Variants in CTC1 observed in about 807,000 individuals in gnomAD.
CTC1 encodes the protein CST telomere replication complex component 1.
CTC1 carries 91 observed loss-of-function variants against 136.3 expected under a neutral mutation model. The observed-to-expected ratio is 0.67, with a 90% CI of 0.56 to 0.79. CTC1 has a LOEUF of 0.79. Among genes scored for constraint, CTC1 ranks in the 30% least tolerant of loss-of-function variants. The probability of loss-of-function intolerance (pLI) is 0.00; values close to 1 mark genes in which losing one functional copy is unlikely to be tolerated. For missense variants in CTC1, 1,432 were observed against 1,498.1 expected (o/e 0.96, Z 0.73); for synonymous variants, 606 against 613.8 (o/e 0.99, Z 0.19).
intron 5 of CTC1, among the ~76,000 whole-genome samples, chr17:8,237,043 T>TG (rs750671230): frequency 6.6e-5 from 10 of 151,314 alleles, no homozygotes; most frequent in African/African-American, 2.4e-4. Flanking sequence ...ACCAAGTTTT[T>TG]TTTTTTTTTT....
At position 8,226,007 on chromosome 17, in the gene CTC1, G is replaced by A. The variant is rs1986602568; in HGVS notation, c.*2173C>T. The A allele has an allele frequency of 6.6e-6, 1 of 152,014 alleles. No homozygotes were observed. The highest frequency in any genetic ancestry group is 2.4e-5 in the African/African-American group (1 of 41,378). 9.4% of individuals were successfully genotyped at this position (152,014 alleles called of 1,614,324 possible). ...CTGACCCAGTCCACCTGCACCAGTG[G>A]GGTGTGGCATCAGTTAAGCAAAGGA... On this transcript the variant is annotated 3_prime_UTR_variant, in exon 23 of 23. Transcript: ENST00000651323.
In CTC1 at chr17:8,237,421, A is replaced by G; in HGVS notation, c.746T>C (p.Leu249Pro). The change falls in exon 5 of 23, where the codon CTT becomes CCT. Residue 249 changes from leucine (L) to proline (P), a missense_variant. Coordinates refer to ENST00000651323, the MANE Select transcript of CTC1 (RefSeq NM_025099.6). ...SKQKAYFILS[L>P]GRSHPAVTHV... ...GGTGACAGCTGGGTGTGATCTACCAAGAGACAGGATGAAGTAAGCTTTCTG... is the reference window on the plus strand; with the variant it reads ...GGTGACAGCTGGGTGTGATCTACCAGGAGACAGGATGAAGTAAGCTTTCTG... 3 of 1,614,052 alleles carry G rather than the reference A, an allele frequency of 1.9e-6. No individual in the cohort carries two copies. In the South Asian group the frequency reaches 3.3e-5, roughly 18 times the overall value.
At chr17:8,229,811 CA>C (rs1987053640) in intron 18 of CTC1, 79 bp downstream of exon 18, 1 of 1,245,990 alleles carries the variant, frequency 8.0e-7, no homozygotes. Context: ...GTAATGATGG[CA>C]AAATCTTCAG....
At chr17:8,233,673 G>A (rs1457530368) in intron 10 of CTC1, among the ~76,000 whole-genome samples, 1 of 152,236 alleles carries the variant, frequency 6.6e-6, no homozygotes, top group Non-Finnish European at 1.5e-5. Context: ...GGAGGCTGAG[G>A]TGGGAGGACT....
Position 8,232,109 on chromosome 17 carries a change from G to C in CTC1, c.2179C>G (p.Leu727Val). Residue 727 changes from leucine (L) to valine (V), a missense_variant, in exon 13 of 23, where the codon CTA becomes GTA. Coordinates refer to ENST00000651323, the MANE Select transcript of CTC1 (RefSeq NM_025099.6). ...AGCAAGAAGAGCCGGCTCTGTCCTA[G>C]GTGGGGTCCCTCTGGGCCGGTGGGA... is the stretch of plus-strand genomic sequence containing the variant. ...TDPTGPEGPH[L>V]GQSRLFLLCH... 6.5e-7 allele frequency: 1 copy of C among 1,539,152 alleles called. No individual in the cohort carries two copies. Among genetic ancestry groups the C allele is most frequent in the African/African-American group, 1.4e-5 (1 of 72,214 alleles).
chr17:8,225,609 A>C lies in CTC1; in HGVS notation c.*2571T>G, dbSNP rs1644554872. On this transcript the variant is annotated 3_prime_UTR_variant, in exon 23 of 23. Transcript: ENST00000651323. ...CGACTCCCGAATGATGCTTTCTTGG[A>C]CTCTGTTCACATGGCCTCAGCCCTT... 2 of 151,672 alleles carry C rather than the reference A, an allele frequency of 1.3e-5. No individual in the cohort carries two copies. Among genetic ancestry groups the C allele is most frequent in the Non-Finnish European group, 1.5e-5 (1 of 67,988 alleles). The allele number at this position is 151,672 out of a possible 1,614,324, so 9.4% of individuals were successfully genotyped here.
intron 2 of CTC1, among the ~76,000 whole-genome samples, chr17:8,240,156 CT>C (rs397969607): frequency 9.4e-4 from 132 of 139,930 alleles, no homozygotes; most frequent in Admixed American, 1.1e-3. Flanking sequence ...AGAACTGTCT[CT>C]TTTTTTTTTT....
At position 8,242,947 on chromosome 17, in the gene CTC1, G is replaced by T. The variant is rs746513365; in HGVS notation, c.197+38C>A. The T allele has an allele frequency of 1.6e-5, 25 of 1,562,302 alleles. No individual in the cohort carries two copies. The East Asian group carries it at 5.5e-4, about 35-fold the overall frequency. On this transcript the variant is annotated intron_variant, in intron 2 of 22. Transcript: ENST00000651323. Reference sequence around the variant, plus strand: ...CTTTTCAATCCTGAATTCAATACCTGCCCCTGCCCAGCCCCCGCAACCGCC... The same window carrying T: ...CTTTTCAATCCTGAATTCAATACCTTCCCCTGCCCAGCCCCCGCAACCGCC...
chr17:8,235,193 G>A lies in CTC1; in HGVS notation c.1299C>T (p.Ser433=). Residue 433 remains serine (S), a synonymous_variant, in exon 8 of 23, where the codon AGC becomes AGT. Transcript: ENST00000651323. The stretch of plus-strand genomic sequence containing the variant: ...GAGCCCCAGGCTTCTGACGAGAGAA[G>A]CTTTGAAGCAGAACGGCGCCACGGA... ...PCLRGAVLLQ[S]FSRQKPGAHS... 6.2e-7 allele frequency: 1 copy of A among 1,614,166 alleles called. No individual in the cohort carries two copies. Among genetic ancestry groups the A allele is most frequent in the Non-Finnish European group, 8.5e-7 (1 of 1,180,034 alleles).
rs559866135 is a variant in CTC1, at chr17:8,231,213, C to T, written c.2669+63G>A. 230 of 1,340,724 alleles carry T rather than the reference C, an allele frequency of 1.7e-4. 7 individuals carry two copies. The South Asian group carries it at 3.4e-3, about 20-fold the overall frequency. 83.1% of individuals were successfully genotyped at this position (1,340,724 alleles called of 1,614,324 possible). A position where few individuals can be genotyped will look rare whatever the true frequency, so the allele number is the denominator to read the frequency against. On this transcript the variant is annotated intron_variant, in intron 15 of 22. Transcript: ENST00000651323. ...AGCAGAAAATGAAGTCTTCACCAAA[C>T]CCAGCTAGCTTGGGAGAAGAGAGAG... is the stretch of plus-strand genomic sequence containing the variant.
At chr17:8,235,695 C>G in intron 7 of CTC1, 136 bp downstream of exon 7, 1 of 941,284 alleles carries the variant, frequency 1.1e-6, no homozygotes, top group Non-Finnish European at 1.5e-6. Flanking sequence ...CCAAGTTATC[C>G]TTAGCAAAAG....
At position 8,228,537 on chromosome 17, in the gene CTC1, C is replaced by A; in HGVS notation, c.3480G>T (p.Glu1160Asp). Residue 1160 changes from glutamate to aspartate, a missense_variant, in exon 22 of 23, where the codon GAG (glutamate) becomes GAT (aspartate). Physicochemically the swap from Glu to Asp is conservative, Grantham distance 45. Coordinates refer to ENST00000651323, the MANE Select transcript of CTC1 (RefSeq NM_025099.6). ...CGATCTTCGACGGTTTCCTTTCCAG[C>A]TCAAAAGAAAGCACAATAGGACGGA... ...SVLRPIVLSF[E>D]LERKPSKIVP... 1 of 1,614,110 alleles carries A rather than the reference C, an allele frequency of 6.2e-7. No homozygotes were observed. Among genetic ancestry groups the A allele is most frequent in the South Asian group, 1.1e-5 (1 of 91,086 alleles).
Position 8,234,543 on chromosome 17 carries a change from T to A in CTC1, c.1730A>T (p.Glu577Val). 6.4e-7 allele frequency: 1 copy of A among 1,572,612 alleles called. No individual in the cohort carries two copies. The highest frequency in any genetic ancestry group is 8.6e-7 in the Non-Finnish European group (1 of 1,158,320). ...TTGGCAGCTGGGCAGGTAGGAGGCC[T>A]CCGGGAGGGGCAGAAGGGCCTTAGG... ...FDPKALLPLP[E>V]ASYLPSCQLN... Residue 577 changes from glutamate (E) to valine (V), a missense_variant, in exon 10 of 23, where the codon GAG becomes GTG. Coordinates refer to ENST00000651323, the MANE Select transcript of CTC1 (RefSeq NM_025099.6).
At chr17:8,234,687 G>C (rs779485826) in intron 9 of CTC1, 32 bp from the exon 10 acceptor site, 4 of 1,589,410 alleles carry the variant, frequency 2.5e-6, no homozygotes, top group Admixed American at 3.4e-5. Flanking sequence ...TCGGGTGTGT[G>C]TCCCATGGGC....
chr17:8,234,866 G>A lies in CTC1; in HGVS notation c.1500C>T (p.Pro500=), dbSNP rs761750183. 1.4e-5 allele frequency: 23 copies of A among 1,612,632 alleles called. No homozygotes were observed. In the East Asian group the frequency reaches 4.9e-4, roughly 34 times the overall value. ...GAGCCAGGAGTTGCAGTCCCAGGCT[G>A]GGGCTCCCAGGAGAGGAATGTTGCA... ...QFLQHSSPGS[P]SLGLQLLAPT... is the part of the protein sequence containing the mutation. The change falls in exon 9 of 23, where the codon CCC becomes CCT. Residue 500 remains proline (P), a synonymous_variant. Transcript: ENST00000651323.
intron 2 of CTC1, among the ~76,000 whole-genome samples, chr17:8,240,283 T>G (rs1988101866): frequency 6.6e-6 from 1 of 151,484 alleles, no homozygotes; most frequent in South Asian, 2.1e-4. Flanking sequence ...GCCTCCCAAG[T>G]AGCTGGGACT....
rs1987894489 is a variant in CTC1 at position 8,238,016 on chromosome 17, A to G, written c.647+15T>C. ...GTTTTACAGCGCCCCTGCCATGCCT[A>G]GAGGGGGAAATTACCTGAGCCTGAG... On this transcript the variant is annotated intron_variant, in intron 4 of 22. Coordinates refer to ENST00000651323, the MANE Select transcript of CTC1 (RefSeq NM_025099.6). The G allele has an allele frequency of 6.2e-7, 1 of 1,601,556 alleles. No individual in the cohort carries two copies. Among genetic ancestry groups the G allele is most frequent in the South Asian group, 1.1e-5 (1 of 90,800 alleles).
intron 11 of CTC1, 87 bp downstream of exon 11, chr17:8,232,819 A>C (rs1987360358): frequency 6.5e-7 from 1 of 1,535,306 alleles, no homozygotes; most frequent in South Asian, 1.2e-5. Context: ...TCTCTAGTAA[A>C]TCCCAGCAGG....
rs890268089 is a variant in CTC1 at position 8,226,987 on chromosome 17, C to T, written c.*1193G>A. ...CAAAACACACACAAAAAAAAGCCAC[C>T]CACTGGCCCGTACGGGGTTCGAACC... On this transcript the variant is annotated 3_prime_UTR_variant, in exon 23 of 23. Transcript: ENST00000651323. 6.6e-6 allele frequency: 1 copy of T among 152,502 alleles called. No individual in the cohort carries two copies. The highest frequency in any genetic ancestry group is 2.4e-5 in the African/African-American group (1 of 41,408). The allele number at this position is 152,502 out of a possible 1,614,324, so 9.4% of individuals were successfully genotyped here.
Sources: gnomAD v4.1 joint callset for allele counts (sites outside exome capture counted in the v4.1 genomes callset) on GRCh38, gnomAD v4.1.1 for gene constraint, MANE v1.5 for transcripts, NCBI Gene and HGNC (gene_info 2026-07-23, HGNC 2026-07-21) for gene names.